The following CCDC13 variants were observed in gnomAD, a reference collection of about 807,000 sequenced individuals.
CCDC13 encodes the protein coiled-coil domain containing 13.
Under a neutral mutation model 87.3 loss-of-function variants are expected in CCDC13, and 70 were observed. The ratio of observed to expected loss-of-function variants is 0.80; its 90% CI spans 0.66 to 0.98. The LOEUF (loss-of-function observed/expected upper bound fraction) is 0.98. Ranked by LOEUF, CCDC13 falls within the 50% of genes least tolerant of loss-of-function variation. The probability of loss-of-function intolerance (pLI) is 0.00; values close to 1 mark genes in which losing one functional copy is unlikely to be tolerated. For missense variants in CCDC13, 842 were observed against 892.0 expected (o/e 0.94, Z 0.71); for synonymous variants, 317 against 360.3 (o/e 0.88, Z 1.36).
At chr3:42,736,871 G>A (rs1193416016) in intron 9 of CCDC13, among the ~76,000 whole-genome samples, 1 of 152,146 alleles carries the variant, frequency 6.6e-6, no homozygotes, top group Non-Finnish European at 1.5e-5. Context: ...TGTAGGGTTA[G>A]GAAAGCAGTA....
intron 5 of CCDC13, 116 bp downstream of exon 5, chr3:42,751,801 TGGGCACCTGGCTCGGCAGC>T: frequency 1.4e-6 from 1 of 699,480 alleles, no homozygotes; most frequent in Non-Finnish European, 2.5e-6. Flanking sequence ...TGGTAGACAA[TGGGCACCTGGCTCGGCAGC>T]GGGGTTGGGG....
chr3:42,739,384 T>C (rs1208240902), intron 9 of CCDC13, among the ~76,000 whole-genome samples: 1 of 152,182 alleles, frequency 6.6e-6, no homozygotes, highest in East Asian at 1.9e-4. Flanking sequence ...TCTTTTGGGG[T>C]CCATAGGCCC....
chr3:42,708,822 A>C lies in CCDC13; in HGVS notation c.*158T>G. The C allele has an allele frequency of 1.4e-6, 1 of 690,060 alleles. No individual in the cohort carries two copies. The highest frequency in any genetic ancestry group is 2.3e-6 in the Non-Finnish European group (1 of 433,420). The allele number at this position is 690,060 out of a possible 1,614,324, so 42.7% of individuals were successfully genotyped here. A position where few individuals can be genotyped will look rare whatever the true frequency, so the allele number is the denominator to read the frequency against. On this transcript the variant is annotated 3_prime_UTR_variant, in exon 16 of 16. Coordinates refer to ENST00000310232, the MANE Select transcript of CCDC13 (RefSeq NM_144719.4). The stretch of plus-strand genomic sequence containing the variant: ...CTCTTCTGCCTTCCTGGCCTGAGAC[A>C]TTGGTTTTGGTCATCCTTAAGGAGC...
intron 2 of CCDC13, 63 bp downstream of exon 2, chr3:42,758,062 T>TACACACACACACAC (rs3076826): frequency 2.4e-4 from 237 of 997,612 alleles, no homozygotes; most frequent in African/African-American, 6.4e-4. Flanking sequence ...GCTCCGGTGG[T>TACACACACACACAC]ACACACACAC....
intron 12 of CCDC13, among the ~76,000 whole-genome samples, chr3:42,730,914 C>A (rs1206690021): frequency 6.6e-6 from 1 of 152,052 alleles, no homozygotes; most frequent in Non-Finnish European, 1.5e-5. Flanking sequence ...CCCTGGGTAT[C>A]TGTGTGGCCT....
chr3:42,710,555 C>G (rs1461368418), intron 14 of CCDC13, among the ~76,000 whole-genome samples: 1 of 152,174 alleles, frequency 6.6e-6, no homozygotes, highest in Non-Finnish European at 1.5e-5. Flanking sequence ...AAAAAGGAGA[C>G]AAAGTGGCCC....
intron 13 of CCDC13, chr3:42,713,958 A>T (rs750859933): frequency 1.3e-5 from 2 of 152,162 alleles, no homozygotes; most frequent in African/African-American, 2.4e-5. Flanking sequence ...CCGGGGGAAA[A>T]TCCACTTTCA....
At position 42,709,896 on chromosome 3, in the gene CCDC13, A is replaced by G. The variant is rs568681221; in HGVS notation, c.1874-98T>C. On this transcript the variant is annotated intron_variant, in intron 14 of 15. Coordinates refer to ENST00000310232, the MANE Select transcript of CCDC13 (RefSeq NM_144719.4). The stretch of plus-strand genomic sequence containing the variant: ...CATTGCCCACTGCCTGCTCTTCCAC[A>G]TGGTGAAACGCTACACCGCCTTCGG... 235 of 921,406 alleles carry G rather than the reference A, an allele frequency of 2.6e-4. 1 individual carries two copies. In the African/African-American group the frequency reaches 2.7e-3, roughly 11 times the overall value. 57.1% of individuals were successfully genotyped at this position (921,406 alleles called of 1,614,324 possible). A position where few individuals can be genotyped will look rare whatever the true frequency, so the allele number is the denominator to read the frequency against.
chr3:42,745,788 G>T (rs893487367), intron 7 of CCDC13, 135 bp downstream of exon 7: 140 of 585,928 alleles, frequency 2.4e-4, no homozygotes, highest in Non-Finnish European at 4.0e-4. Context: ...CAACAACCCC[G>T]CACGAGTGCA....
In CCDC13 at chr3:42,713,333, A is replaced by C; in HGVS notation, c.1719-17T>G. 6.2e-7 allele frequency: 1 copy of C among 1,612,808 alleles called. No homozygotes were observed. The highest frequency in any genetic ancestry group is 8.5e-7 in the Non-Finnish European group (1 of 1,179,416). On this transcript the variant is annotated splice_polypyrimidine_tract_variant and intron_variant, in intron 13 of 15. Coordinates refer to ENST00000310232, the MANE Select transcript of CCDC13 (RefSeq NM_144719.4). ...TCCTCCACCCTGGTGATTAGAGAGG[A>C]GGGGATGCTACATGCCCTGGCAGGC...
At chr3:42,719,822 T>C (rs1412791313) in intron 13 of CCDC13, among the ~76,000 whole-genome samples, 1 of 152,238 alleles carries the variant, frequency 6.6e-6, no homozygotes, top group Non-Finnish European at 1.5e-5. Flanking sequence ...TATATGTATA[T>C]GTATTATGTG....
intron 1 of CCDC13, among the ~76,000 whole-genome samples, chr3:42,760,138 A>C (rs1453871065): frequency 6.6e-6 from 1 of 152,022 alleles, no homozygotes; most frequent in Non-Finnish European, 1.5e-5. Context: ...CTAAAAATAC[A>C]AAATTAGCCA....
intron 10 of CCDC13, among the ~76,000 whole-genome samples, chr3:42,734,861 T>C (rs1385247101): frequency 6.6e-6 from 1 of 152,198 alleles, no homozygotes. Flanking sequence ...CCCCAAGCTG[T>C]GCCCTCAAGG....
At chr3:42,730,643 C>T in intron 12 of CCDC13, 54 bp from the exon 13 acceptor site, 5 of 1,599,094 alleles carry the variant, frequency 3.1e-6, no homozygotes, top group Non-Finnish European at 4.3e-6. Context: ...CTAGAAATAA[C>T]ACTTACCCCT....
At chr3:42,709,619 C>T (rs1698255129) in intron 15 of CCDC13, 65 bp downstream of exon 15, 1 of 1,278,682 alleles carries the variant, frequency 7.8e-7, no homozygotes, top group Non-Finnish European at 1.1e-6. Flanking sequence ...CACAGTCCCT[C>T]TGCCCATGGA....
intron 14 of CCDC13, among the ~76,000 whole-genome samples, chr3:42,710,335 T>A (rs1388816973): frequency 6.6e-6 from 1 of 152,008 alleles, no homozygotes; most frequent in African/African-American, 2.4e-5. Flanking sequence ...GTGCCAGGAT[T>A]ACAGGCGTAA....
chr3:42,722,901 A>G (rs1371584613), intron 13 of CCDC13, among the ~76,000 whole-genome samples: 2 of 141,730 alleles, frequency 1.4e-5, no homozygotes, highest in Non-Finnish European at 3.0e-5. Flanking sequence ...GGTTCACGCC[A>G]TTCTCCTGCC....
chr3:42,726,796 A>G (rs1478999790), intron 13 of CCDC13, among the ~76,000 whole-genome samples: 1 of 152,020 alleles, frequency 6.6e-6, no homozygotes, highest in Non-Finnish European at 1.5e-5. Flanking sequence ...CATATTACAT[A>G]TATACATATG....
chr3:42,754,457 G>A (rs577947727), intron 3 of CCDC13, among the ~76,000 whole-genome samples: 88 of 152,282 alleles, frequency 5.8e-4, no homozygotes, highest in African/African-American at 2.1e-3. Context: ...AGGGTAACGG[G>A]GGTGGTGATA....
Sources: gnomAD v4.1 joint callset for allele counts (sites outside exome capture counted in the v4.1 genomes callset) on GRCh38, gnomAD v4.1.1 for gene constraint, MANE v1.5 for transcripts, NCBI Gene and HGNC (gene_info 2026-07-23, HGNC 2026-07-21) for gene names.